FMN2: variants seen among roughly 807,000 people sequenced by gnomAD.
FMN2 encodes the protein formin-2.
In FMN2, 51 loss-of-function variants were observed where a neutral mutation model predicts 142.3. The observed-to-expected ratio is 0.36, with a 90% CI of 0.29 to 0.45. The LOEUF (loss-of-function observed/expected upper bound fraction) is 0.45. FMN2 is among the 20% of genes least tolerant of loss of function. The pLI is 1.00. For missense variants in FMN2, 1,936 were observed against 2,122.8 expected (o/e 0.91, Z 1.73); for synonymous variants, 882 against 869.8 (o/e 1.01, Z -0.25).
chr1:240,250,202 A>G (rs935448634), intron 6 of FMN2, among the ~76,000 whole-genome samples: 1 of 152,122 alleles, frequency 6.6e-6, no homozygotes, highest in African/African-American at 2.4e-5. Context: ...TCTTTTCCCC[A>G]TTCAGTATGA....
At chr1:240,369,959 A>T (rs190211304) in intron 14 of FMN2, among the ~76,000 whole-genome samples, 1 of 152,082 alleles carries the variant, frequency 6.6e-6, no homozygotes, top group Non-Finnish European at 1.5e-5. Flanking sequence ...CTTCCCCCAA[A>T]GCTACTGGTG....
At chr1:240,328,484 G>C (rs10158364) in intron 8 of FMN2, among the ~76,000 whole-genome samples, 2 of 151,876 alleles carry the variant, frequency 1.3e-5, no homozygotes, top group Admixed American at 1.3e-4. Context: ...ACATTTCTCA[G>C]ATCACTAATG....
intron 15 of FMN2, among the ~76,000 whole-genome samples, chr1:240,396,303 CGTGTGTGTGTGTGTGTGTGTGTGT>C (rs57641655): frequency 7.0e-6 from 1 of 142,742 alleles, no homozygotes; most frequent in African/African-American, 2.5e-5. Context: ...CCGAGGTTTT[CGTGTGTGTGTGTGTGTGTGTGTGT>C]GTGTGTGTGT....
chr1:240,389,150 C>G (rs1017257361), intron 14 of FMN2, among the ~76,000 whole-genome samples: 27 of 152,100 alleles, frequency 1.8e-4, no homozygotes, highest in African/African-American at 6.5e-4. Flanking sequence ...GTATGCAATT[C>G]ACTCGGCATA....
chr1:240,286,580 T>TTGCTG (rs1669597942), intron 7 of FMN2, among the ~76,000 whole-genome samples: 1 of 152,208 alleles, frequency 6.6e-6, no homozygotes, highest in African/African-American at 2.4e-5. Context: ...CCACATTTTG[T>TTGCTG]TGCTGTCATC....
At chr1:240,161,186 G>A (rs1020863305) in intron 2 of FMN2, among the ~76,000 whole-genome samples, 6 of 152,032 alleles carry the variant, frequency 3.9e-5, no homozygotes, top group Admixed American at 1.3e-4. Flanking sequence ...AAGGGTGTGC[G>A]TGAATGCGTG....
chr1:240,346,896 A>G (rs146257893), intron 13 of FMN2, among the ~76,000 whole-genome samples: 1 of 152,214 alleles, frequency 6.6e-6, no homozygotes, highest in Admixed American at 6.5e-5. Context: ...TTAAGACTTT[A>G]TATATTTGCG....
At chr1:240,206,657 CAT>C in intron 4 of FMN2, 140 bp from the exon 5 acceptor site, 1 of 1,013,448 alleles carries the variant, frequency 9.9e-7, no homozygotes, top group African/African-American at 1.6e-5. Flanking sequence ...CCAGGGGACA[CAT>C]AGAAATATTA....
intron 2 of FMN2, chr1:240,142,901 A>C: frequency 6.2e-7 from 1 of 1,606,000 alleles, no homozygotes; most frequent in Non-Finnish European, 8.5e-7. Flanking sequence ...CATCAAACGT[A>C]ACCAGCATTC....
At chr1:240,465,049 CAG>C (rs890406336) in intron 16 of FMN2, among the ~76,000 whole-genome samples, 6 of 152,020 alleles carry the variant, frequency 3.9e-5, no homozygotes, top group African/African-American at 1.2e-4. Flanking sequence ...CAGTATATCT[CAG>C]GGGTTTTGTG....
intron 16 of FMN2, among the ~76,000 whole-genome samples, chr1:240,470,446 A>G (rs1217041308): frequency 1.3e-5 from 2 of 152,232 alleles, no homozygotes; most frequent in East Asian, 1.9e-4. Context: ...TGGAATTGCT[A>G]ACAATATCAA....
Position 240,330,704 on chromosome 1 carries a change from C to T in FMN2, c.4539C>T (p.Gly1513=). ...GGNKTRGQAD[G]FGLDILPKLK... ...ATAAGACTCGAGGACAGGCAGATGG[C>T]TTTGGATTAGACATTCTTCCAAAAC... The change falls in exon 11 of 18, where the codon GGC becomes GGT. Residue 1513 remains glycine (G), a synonymous_variant. Coordinates refer to ENST00000319653, the MANE Select transcript of FMN2 (RefSeq NM_020066.5). The T allele has an allele frequency of 3.1e-6, 5 of 1,613,976 alleles. No homozygotes were observed. The highest frequency in any genetic ancestry group is 4.2e-6 in the Non-Finnish European group (5 of 1,179,930).
Position 240,318,048 on chromosome 1 carries a change from T to C in FMN2, c.4216-11028T>C, listed in dbSNP as rs76625392. On this transcript the variant is annotated intron_variant, in intron 8 of 17. Coordinates refer to ENST00000319653, the MANE Select transcript of FMN2 (RefSeq NM_020066.5). ...CATCCATGTATTCTCTCTGGCGATA[T>C]GTCTGTTTATGTCTTTTTCCCGCTT... Among the ~76,000 whole-genome samples the C allele has an allele frequency of 6.2e-3, 942 of 152,320 alleles. 7 individuals are homozygous for C. Among genetic ancestry groups the C allele is most frequent in the African/African-American group, 0.022 (906 of 41,562 alleles).
chr1:240,398,660 A>G (rs2103106955), intron 15 of FMN2, among the ~76,000 whole-genome samples: 1 of 152,334 alleles, frequency 6.6e-6, no homozygotes, highest in Admixed American at 6.5e-5. Flanking sequence ...GGCAACAATC[A>G]GTAGTAATTC....
intron 6 of FMN2, among the ~76,000 whole-genome samples, chr1:240,232,292 A>G (rs112652513): frequency 0.014 from 1,997 of 143,666 alleles, 53 homozygotes; most frequent in African/African-American, 0.048. Flanking sequence ...GGGTTTCACA[A>G]TGTTGGCCAG....
In FMN2 at chr1:240,281,253, T is replaced by C. The variant is rs548596020; in HGVS notation, c.4154-13569T>C. Among the ~76,000 whole-genome samples, 161 of 152,250 alleles carry C rather than the reference T, an allele frequency of 1.1e-3. 2 individuals are homozygous for C. In the South Asian group the frequency reaches 0.011, roughly 10 times the overall value. On this transcript the variant is annotated intron_variant, in intron 7 of 17. Coordinates refer to ENST00000319653, the MANE Select transcript of FMN2 (RefSeq NM_020066.5). Reference sequence around the variant, plus strand: ...CTTTATGTAGCCTGAGTGCAAAGTCTATGGCATTCTGGGATTTTATTGTCT... The same window carrying C: ...CTTTATGTAGCCTGAGTGCAAAGTCCATGGCATTCTGGGATTTTATTGTCT...
Position 240,417,486 on chromosome 1 carries a change from C to G in FMN2, c.4911-20575C>G, listed in dbSNP as rs1420401769. ...TGGTACTGTGAATTCAGATGGAAAA[C>G]CTGCATGATTTCTGTCTGGCTTATG... On this transcript the variant is annotated intron_variant, in intron 15 of 17. Transcript: ENST00000319653. Among the ~76,000 whole-genome samples the G allele has an allele frequency of 4.6e-5, 7 of 151,970 alleles. No individual in the cohort carries two copies. The South Asian group carries it at 1.5e-3, about 32-fold the overall frequency.
chr1:240,257,002 G>C (rs535847403), intron 6 of FMN2, among the ~76,000 whole-genome samples: 1 of 152,314 alleles, frequency 6.6e-6, no homozygotes, highest in East Asian at 1.9e-4. Flanking sequence ...ATAGCTGTTA[G>C]AGCAGCTGTC....
At chr1:240,373,983 A>T (rs947271427) in intron 14 of FMN2, among the ~76,000 whole-genome samples, 2 of 152,236 alleles carry the variant, frequency 1.3e-5, no homozygotes, top group Non-Finnish European at 2.9e-5. Context: ...TGACCCCTTG[A>T]TCTAAATAGA....
Sources: gnomAD v4.1 joint callset for allele counts (sites outside exome capture counted in the v4.1 genomes callset) on GRCh38, gnomAD v4.1.1 for gene constraint, MANE v1.5 for transcripts, NCBI Gene and HGNC (gene_info 2026-07-23, HGNC 2026-07-21) for gene names.